Variants in TMPRSS6 observed in about 807,000 individuals in gnomAD.
The protein encoded by TMPRSS6 is transmembrane serine protease 6.
TMPRSS6 carries 67 observed loss-of-function variants against 101.5 expected under a neutral mutation model. The ratio of observed to expected loss-of-function variants is 0.66; its 90% confidence interval spans 0.54 to 0.81. TMPRSS6 has a LOEUF of 0.81. Ranked by LOEUF, TMPRSS6 falls within the 30% of genes least tolerant of loss-of-function variation. The pLI is 0.00. For missense variants in TMPRSS6, 1,034 were observed against 1,088.7 expected, an observed-to-expected ratio of 0.95 and a Z score of 0.71; for synonymous variants, 453 against 464.9, an observed-to-expected ratio of 0.97 and a Z score of 0.33.
rs1288478784 is a variant in TMPRSS6 at position 37,069,122 on chromosome 22, C to A, written c.2064G>T (p.Glu688Asp). 8 of 1,563,384 alleles carry A rather than the reference C, an allele frequency of 5.1e-6. No homozygotes were observed. Among genetic ancestry groups the A allele is most frequent in the Non-Finnish European group, 6.9e-6 (8 of 1,156,842 alleles). ...CCGTAATCCAGCAGTGCAGGCCGGG[C>A]TCGAAGAAGTGGGAGCGCGCGGGCA... ...VCLPARSHFF[E>D]PGLHCWITGW... Residue 688 changes from glutamate to aspartate, a missense_variant, in exon 16 of 18, where the codon GAG becomes GAT. Glu to Asp is a conservative substitution (Grantham distance 45). Transcript: ENST00000676104. This position sits in a 1 kb window ranked among gnomAD's most constrained non-coding sequence, Gnocchi z 4.8.
intron 16 of TMPRSS6, 151 bp from the exon 17 acceptor site, chr22:37,067,113 G>T: frequency 1.7e-6 from 2 of 1,165,302 alleles, no homozygotes; most frequent in Non-Finnish European, 1.2e-6. Flanking sequence ...CTGCCCCTCT[G>T]CCTCCCTGTC....
At chr22:37,071,143 T>G in intron 13 of TMPRSS6, 111 bp from the exon 14 acceptor site, 1 of 957,518 alleles carries the variant, frequency 1.0e-6, no homozygotes, top group Non-Finnish European at 1.6e-6. Flanking sequence ...AGGAGGTGAC[T>G]AGAGAGTCTT....
At chr22:37,070,387 C>T (rs778936354) in intron 15 of TMPRSS6, 97 bp downstream of exon 15, 22 of 1,512,542 alleles carry the variant, frequency 1.5e-5, no homozygotes, top group Non-Finnish European at 1.8e-5. Context: ...CACCACCCTT[C>T]CCTCTATCTG....
chr22:37,094,380 A>ATGAT (rs1449900538), intron 6 of TMPRSS6, among the ~76,000 whole-genome samples: 1 of 133,414 alleles, frequency 7.5e-6, no homozygotes, highest in East Asian at 2.2e-4. Context: ...TTAATGATTG[A>ATGAT]TGATAGATAG....
intron 1 of TMPRSS6, among the ~76,000 whole-genome samples, chr22:37,108,235 G>A (rs1035287719): frequency 1.4e-4 from 21 of 152,212 alleles, no homozygotes; most frequent in Admixed American, 9.2e-4. Context: ...ACGGCCAGGC[G>A]TCCCCACACT....
chr22:37,096,567 C>A, intron 4 of TMPRSS6, 81 bp downstream of exon 4: 1 of 1,438,658 alleles, frequency 7.0e-7, no homozygotes, highest in East Asian at 2.5e-5. Flanking sequence ...GAAGGCATTG[C>A]ATCAGAAGCC....
intron 7 of TMPRSS6, 81 bp from the exon 8 acceptor site, chr22:37,086,500 G>T: frequency 1.4e-6 from 2 of 1,426,356 alleles, no homozygotes; most frequent in Non-Finnish European, 1.9e-6. Context: ...GCTGCTGGGG[G>T]AGGGTGGACG....
intron 10 of TMPRSS6, among the ~76,000 whole-genome samples, chr22:37,077,544 A>T (rs549509584): frequency 6.6e-6 from 1 of 152,356 alleles, no homozygotes; most frequent in Non-Finnish European, 1.5e-5. Context: ...TCATAAGGTG[A>T]CAGGCGAGTT....
chr22:37,076,015 GAAGAAA>G (rs376297903), intron 10 of TMPRSS6, among the ~76,000 whole-genome samples: 203 of 144,048 alleles, frequency 1.4e-3, no homozygotes, highest in African/African-American at 5.1e-3. Context: ...AAGAAAGAAA[GAAGAAA>G]GAGAAAGAGA....
Position 37,065,792 on chromosome 22 carries a change from T to G in TMPRSS6, c.*288A>C. The G allele has an allele frequency of 6.1e-6, 3 of 490,474 alleles. No homozygotes were observed. The highest frequency in any genetic ancestry group is 1.1e-5 in the Non-Finnish European group (3 of 267,382). 30.4% of individuals were successfully genotyped at this position (490,474 alleles called of 1,614,324 possible). A position where few individuals can be genotyped will look rare whatever the true frequency, so the allele number is the denominator to read the frequency against. On this transcript the variant is annotated 3_prime_UTR_variant, in exon 18 of 18. Transcript: ENST00000676104. ...CTTGCTGCTGAGCCACTGCCTTGCATTAGGCAGCAGTGGAGGAAGGGGACG... is the reference window on the plus strand; with the variant it reads ...CTTGCTGCTGAGCCACTGCCTTGCAGTAGGCAGCAGTGGAGGAAGGGGACG...
At position 37,067,055 on chromosome 22, in the gene TMPRSS6, C is replaced by T. The variant is rs1926369288; in HGVS notation, c.2114-93G>A. 5 of 1,572,272 alleles carry T rather than the reference C, an allele frequency of 3.2e-6. No homozygotes were observed. The Admixed American group carries it at 5.3e-5, about 17-fold the overall frequency. ...CATTATTCCCTTTGCATCTCAGGAGCCTACTTCTCTCCTGCTCTGCCCACC... is the reference window on the plus strand; with the variant it reads ...CATTATTCCCTTTGCATCTCAGGAGTCTACTTCTCTCCTGCTCTGCCCACC... On this transcript the variant is annotated intron_variant, in intron 16 of 17. Coordinates refer to ENST00000676104, the MANE Select transcript of TMPRSS6 (RefSeq NM_001374504.1).
At chr22:37,082,294 A>G (rs1001007973) in intron 10 of TMPRSS6, among the ~76,000 whole-genome samples, 11 of 151,716 alleles carry the variant, frequency 7.3e-5, no homozygotes. Context: ...AGGCCACCGA[A>G]CCCCCCACAA....
Position 37,071,139 on chromosome 22 carries a change from T to A in TMPRSS6, c.1556-107A>T, listed in dbSNP as rs1009545574. 7 of 1,000,424 alleles carry A rather than the reference T, an allele frequency of 7.0e-6. No individual in the cohort carries two copies. The African/African-American group carries it at 1.1e-4, about 16-fold the overall frequency. 62.0% of individuals were successfully genotyped at this position (1,000,424 alleles called of 1,614,324 possible). A position where few individuals can be genotyped will look rare whatever the true frequency, so the allele number is the denominator to read the frequency against. On this transcript the variant is annotated intron_variant, in intron 13 of 17. Coordinates refer to ENST00000676104, the MANE Select transcript of TMPRSS6 (RefSeq NM_001374504.1). ...CGATGGAGCCAGAAGAGCCAGGAGG[T>A]GACTAGAGAGTCTTTTCCTGAGTCT...
At position 37,089,560 on chromosome 22, in the gene TMPRSS6, T is replaced by TCCTTC; in HGVS notation, c.836+13_836+17dup. 1.1e-6 allele frequency: 1 copy of TCCTTC among 871,956 alleles called. No individual in the cohort carries two copies. Among genetic ancestry groups the TCCTTC allele is most frequent in the South Asian group, 1.4e-5 (1 of 70,938 alleles). The allele number at this position is 871,956 out of a possible 1,614,324, so 54.0% of individuals were successfully genotyped here. On this transcript the variant is annotated intron_variant, in intron 7 of 17. Coordinates refer to ENST00000676104, the MANE Select transcript of TMPRSS6 (RefSeq NM_001374504.1). Reference sequence around the variant, plus strand: ...CCTTTTCCAGCCCTCCCTCCTGCCCTCCTTCCCAGGGACTCACGAGGTGAT... The same window carrying TCCTTC: ...CCTTTTCCAGCCCTCCCTCCTGCCCTCCTTCCCTTCCCAGGGACTCACGAGGTGAT...
chr22:37,073,870 G>A (rs536123784), intron 12 of TMPRSS6, among the ~76,000 whole-genome samples: 5 of 152,266 alleles, frequency 3.3e-5, no homozygotes, highest in South Asian at 2.1e-4. Flanking sequence ...TCAGACTCCC[G>A]AGTAGCTGAG....
intron 7 of TMPRSS6, 34 bp downstream of exon 7, chr22:37,089,544 G>GGCCAAC: frequency 7.4e-7 from 1 of 1,348,864 alleles, no homozygotes; most frequent in Non-Finnish European, 1.0e-6. Flanking sequence ...CCCTTTTCCA[G>GGCCAAC]CCCTCCCTCC....
Position 37,089,724 on chromosome 22 carries a change from G to T in TMPRSS6, c.690C>A (p.Asp230Glu). Residue 230 changes from aspartate (D) to glutamate (E), a missense_variant, in exon 7 of 18, where the codon GAC becomes GAA. By Grantham distance (45) the Asp-to-Glu change is conservative. Transcript: ENST00000676104. ...GCCACAGGCAGCTGGAGGCCAGGTG[G>T]TCAGGCCCCTTCAGCCGGAGGACCT... ...QGQVLRLKGP[D>E]HLASSCLWHL... 6.2e-7 allele frequency: 1 copy of T among 1,612,524 alleles called. No individual in the cohort carries two copies. Among genetic ancestry groups the T allele is most frequent in the Non-Finnish European group, 8.5e-7 (1 of 1,179,660 alleles).
rs1207495441 is a variant in TMPRSS6 at position 37,103,945 on chromosome 22, G to A, written c.-1-527C>T. On this transcript the variant is annotated intron_variant, in intron 1 of 17. Coordinates refer to ENST00000676104, the MANE Select transcript of TMPRSS6 (RefSeq NM_001374504.1). This position sits in a 1 kb window ranked among gnomAD's most constrained non-coding sequence, Gnocchi z 4.4. Reference sequence around the variant, plus strand: ...TGGCACTGCGCTGGGCCGGGGACCTGCCTTCCTTCACAGAGTACCGTCTCT... The same window carrying A: ...TGGCACTGCGCTGGGCCGGGGACCTACCTTCCTTCACAGAGTACCGTCTCT... Among the ~76,000 whole-genome samples the A allele has an allele frequency of 6.6e-6, 1 of 152,192 alleles. No individual in the cohort carries two copies. Among genetic ancestry groups the A allele is most frequent in the Non-Finnish European group, 1.5e-5 (1 of 68,034 alleles).
chr22:37,070,718 G>A, intron 14 of TMPRSS6, 66 bp from the exon 15 acceptor site: 1 of 1,537,136 alleles, frequency 6.5e-7, no homozygotes, highest in Non-Finnish European at 9.0e-7. Context: ...AGACAGAGAG[G>A]AAGGGCAAAG....
Sources: gnomAD v4.1 joint callset for allele counts (sites outside exome capture counted in the v4.1 genomes callset) on GRCh38, gnomAD v4.1.1 for gene constraint, Gnocchi (gnomAD v3.1) non-coding constraint, MANE v1.5 for transcripts, NCBI Gene and HGNC (gene_info 2026-07-23, HGNC 2026-07-21) for gene names.